EPB41L4A: variants seen among roughly 807,000 people sequenced by gnomAD.
The protein encoded by EPB41L4A is erythrocyte membrane protein band 4.1 like 4A.
A neutral mutation model predicts 108.6 loss-of-function variants in EPB41L4A; 100 were observed. The ratio of observed to expected loss-of-function variants is 0.92; its 90% CI spans 0.78 to 1.09. The LOEUF (loss-of-function observed/expected upper bound fraction) is 1.09, where lower values mean the gene tolerates loss of function less well. EPB41L4A is among the 50% of genes least tolerant of loss of function. The pLI is 0.00. For missense variants in EPB41L4A, 1,030 were observed against 842.7 expected, an observed-to-expected ratio of 1.22 and a Z score of -2.75; for synonymous variants, 319 against 289.0, an observed-to-expected ratio of 1.10 and a Z score of -1.05.
At chr5:112,191,045 T>C (rs1181279907) in intron 17 of EPB41L4A, among the ~76,000 whole-genome samples, 4 of 152,092 alleles carry the variant, frequency 2.6e-5, no homozygotes, top group African/African-American at 9.7e-5. Context: ...ATCTTAAATA[T>C]TATTAAAAAA....
intron 6 of EPB41L4A, 188 bp downstream of exon 6, chr5:112,264,708 A>G: frequency 2.0e-6 from 1 of 504,412 alleles, no homozygotes; most frequent in Non-Finnish European, 3.3e-6. Flanking sequence ...TTTCTCCTTT[A>G]CACTTTTTAA....
downstream of EPB41L4A, among the ~76,000 whole-genome samples, chr5:112,159,332 C>T (rs1318430362): frequency 6.6e-6 from 1 of 152,160 alleles, no homozygotes; most frequent in African/African-American, 2.4e-5. Flanking sequence ...TAAAACTGGT[C>T]TCTGGATGAA....
At chr5:112,162,530 C>T (rs1027745028), downstream of EPB41L4A, 4 of 152,232 alleles carry the variant, frequency 2.6e-5, no homozygotes, top group African/African-American at 9.6e-5. Context: ...TGCTTTACTG[C>T]ACTCAATGCG....
At chr5:112,388,719 A>G (rs980636067) in intron 1 of EPB41L4A, among the ~76,000 whole-genome samples, 2 of 152,140 alleles carry the variant, frequency 1.3e-5, no homozygotes, top group African/African-American at 4.8e-5. Context: ...CTGCTCAACT[A>G]TTACATGCAG....
chr5:112,382,373 T>C (rs556959676), intron 1 of EPB41L4A, among the ~76,000 whole-genome samples: 29 of 152,294 alleles, frequency 1.9e-4, no homozygotes, highest in Non-Finnish European at 3.4e-4. Context: ...CTGCTGTTAT[T>C]TGACAGATGA....
intron 12 of EPB41L4A, among the ~76,000 whole-genome samples, chr5:112,155,763 G>A (rs1283237893): frequency 6.6e-6 from 1 of 152,076 alleles, no homozygotes; most frequent in Non-Finnish European, 1.5e-5. Context: ...TGGGGGCCAG[G>A]AAGCAAATTT....
chr5:112,383,730 C>A (rs552916917), intron 1 of EPB41L4A, among the ~76,000 whole-genome samples: 1 of 150,804 alleles, frequency 6.6e-6, no homozygotes, highest in Non-Finnish European at 1.5e-5. Context: ...ACAGACAAAT[C>A]AATAAAATGG....
intron 1 of EPB41L4A, among the ~76,000 whole-genome samples, chr5:112,338,733 C>T (rs1347264580): frequency 6.6e-6 from 1 of 152,194 alleles, no homozygotes. Flanking sequence ...TGGAAAACTA[C>T]AACACATGGG....
intron 2 of EPB41L4A, among the ~76,000 whole-genome samples, chr5:112,293,689 C>A: frequency 6.6e-6 from 1 of 152,248 alleles, no homozygotes; most frequent in Admixed American, 6.5e-5. Context: ...CTGCTTTTCC[C>A]GATGCCGCAG....
At chr5:112,170,176 C>G (rs1760493110) in intron 20 of EPB41L4A, 125 bp downstream of exon 20, 3 of 879,040 alleles carry the variant, frequency 3.4e-6, no homozygotes, top group Non-Finnish European at 5.3e-6. Context: ...TCGCTACTGT[C>G]ACCTAGTTTT....
chr5:112,265,842 A>G (rs1255842659), intron 5 of EPB41L4A, among the ~76,000 whole-genome samples: 2 of 152,228 alleles, frequency 1.3e-5, no homozygotes, highest in Non-Finnish European at 2.9e-5. Context: ...ACCTAGCAAT[A>G]GCACCTGGCC....
At chr5:112,379,617 T>A (rs1450013048) in intron 1 of EPB41L4A, among the ~76,000 whole-genome samples, 1 of 152,158 alleles carries the variant, frequency 6.6e-6, no homozygotes, top group Non-Finnish European at 1.5e-5. Flanking sequence ...TGCTTTCTCA[T>A]CTGCAAAAGG....
intron 1 of EPB41L4A, among the ~76,000 whole-genome samples, chr5:112,388,038 C>T (rs1760677083): frequency 6.6e-6 from 1 of 152,144 alleles, no homozygotes; most frequent in Non-Finnish European, 1.5e-5. Context: ...CCAAAAGTTC[C>T]TCTCTAGGGG....
chr5:112,165,453 G>A (rs1174871991), intron 22 of EPB41L4A, among the ~76,000 whole-genome samples: 4 of 152,166 alleles, frequency 2.6e-5, no homozygotes, highest in Non-Finnish European at 5.9e-5. Flanking sequence ...ACAGGATAGT[G>A]ATGGAGACTT....
Position 112,307,461 on chromosome 5 carries a change from G to C in EPB41L4A, c.129C>G (p.Asp43Glu). The C allele has an allele frequency of 6.2e-7, 1 of 1,613,120 alleles. No homozygotes were observed. The highest frequency in any genetic ancestry group is 8.5e-7 in the Non-Finnish European group (1 of 1,179,274). Residue 43 changes from aspartate to glutamate, a missense_variant, in exon 2 of 23, where the codon GAC becomes GAG. Coordinates refer to ENST00000261486, the MANE Select transcript of EPB41L4A (RefSeq NM_022140.5). ...KKSTKGSVVLDHVFHHVNLVE... is the reference protein window; with the variant it reads ...KKSTKGSVVLEHVFHHVNLVE... ...CAAGGTTTACGTGATGGAATACGTG[G>C]TCAAGGACAACGGAACCTTTCGTTG...
chr5:112,339,516 A>ATATATC (rs1757158227), intron 1 of EPB41L4A, among the ~76,000 whole-genome samples: 2 of 40,998 alleles, frequency 4.9e-5, no homozygotes, highest in African/African-American at 1.9e-4. Context: ...ATATAGATAT[A>ATATATC]TAGATATATA....
chr5:112,184,334 A>C (rs1474833799), intron 17 of EPB41L4A, among the ~76,000 whole-genome samples, 199 bp from the exon 18 acceptor site: 1 of 152,242 alleles, frequency 6.6e-6, no homozygotes, highest in East Asian at 1.9e-4. Flanking sequence ...AATAATACTC[A>C]TGATATATGT....
chr5:112,419,150 G>T lies in EPB41L4A; in HGVS notation c.-111C>A, dbSNP rs1269039334. ...TTATTGTCCGCGCCGTGGCGAGGGT[G>T]AGACGAGCAGCTCCCGGCGGGGTCC... is the stretch of plus-strand genomic sequence containing the variant. On this transcript the variant is annotated 5_prime_UTR_variant, in exon 1 of 23. Coordinates refer to ENST00000261486, the MANE Select transcript of EPB41L4A (RefSeq NM_022140.5). 8.8e-6 allele frequency: 7 copies of T among 794,362 alleles called. No homozygotes were observed. In the Admixed American group the frequency reaches 9.1e-5, roughly 10 times the overall value. 49.2% of individuals were successfully genotyped at this position (794,362 alleles called of 1,614,324 possible). A position where few individuals can be genotyped will look rare whatever the true frequency, so the allele number is the denominator to read the frequency against.
At chr5:112,171,340 T>C (rs1580361442) in intron 18 of EPB41L4A, among the ~76,000 whole-genome samples, 1 of 152,188 alleles carries the variant, frequency 6.6e-6, no homozygotes, top group East Asian at 1.9e-4. Context: ...TTGTAAGTAA[T>C]GGTAAAAGAA....
Sources: allele counts gnomAD v4.1 joint callset (sites outside exome capture counted in the v4.1 genomes callset), GRCh38; gene constraint gnomAD v4.1.1; transcripts MANE v1.5; gene names NCBI Gene and HGNC (gene_info 2026-07-23, HGNC 2026-07-21).